Variants in LAMP5 observed in about 807,000 individuals in gnomAD.
LAMP5 encodes lysosome associated membrane protein 5.
LAMP5 carries 36 observed loss-of-function variants against 30.2 expected under a neutral mutation model. The ratio of observed to expected loss-of-function variants is 1.19; its 90% confidence interval spans 0.91 to 1.57. LAMP5 has a LOEUF of 1.57. LAMP5 is among the 40% of genes most tolerant of loss of function. The pLI is 0.00. For synonymous variants in LAMP5, 149 were observed against 134.6 expected (o/e 1.11, Z -0.74); for missense variants, 377 against 354.9 (o/e 1.06, Z -0.50).
rs548898329 is a variant in LAMP5 at position 9,517,116 on chromosome 20, T to C, written c.475+755T>C. Among the ~76,000 whole-genome samples, 10 of 152,370 alleles carry C rather than the reference T, an allele frequency of 6.6e-5. 1 individual carries two copies. The South Asian group carries it at 2.1e-3, about 32-fold the overall frequency. On this transcript the variant is annotated intron_variant, in intron 4 of 5. Transcript: ENST00000246070. ...TTTTTATTGAATACATAAAAATACA[T>C]GTGTCATCTTTCCCTTTTCACCCCT... is the stretch of plus-strand genomic sequence containing the variant.
chr20:9,521,814 T>G (rs76538339), intron 5 of LAMP5, among the ~76,000 whole-genome samples: 4 of 152,216 alleles, frequency 2.6e-5, no homozygotes, highest in Non-Finnish European at 4.4e-5. Flanking sequence ...GAAACTTTTA[T>G]GTATTATGTC....
intron 5 of LAMP5, among the ~76,000 whole-genome samples, chr20:9,526,860 GTATATATATATATATATATATATATATA>G (rs201564418): frequency 1.1e-4 from 9 of 80,222 alleles, no homozygotes; most frequent in Admixed American, 4.7e-4. Flanking sequence ...GTGTGTGTGT[GTATATATATATATATATATATATATATA>G]TATATATATA....
intron 2 of LAMP5, 80 bp downstream of exon 2, chr20:9,515,705 C>T (rs2045032042): frequency 6.8e-7 from 1 of 1,476,432 alleles, no homozygotes; most frequent in Non-Finnish European, 9.2e-7. Context: ...TCTTCGAAGA[C>T]CTGGGTTGCC....
intron 5 of LAMP5, among the ~76,000 whole-genome samples, chr20:9,526,493 A>G (rs2045113190): frequency 6.6e-6 from 1 of 152,200 alleles, no homozygotes; most frequent in African/African-American, 2.4e-5. Context: ...AAGAGGCAAT[A>G]TGGTATCATA....
Position 9,515,452 on chromosome 20 carries a change from G to A in LAMP5, c.65-1G>A, listed in dbSNP as rs1306052775. 6.2e-7 allele frequency: 1 copy of A among 1,613,160 alleles called. No homozygotes were observed. The highest frequency in any genetic ancestry group is 8.5e-7 in the Non-Finnish European group (1 of 1,179,484). The stretch of plus-strand genomic sequence containing the variant: ...ATGGAATTGTTTTGTTTGTTCCGCA[G>A]ATACAATGGCTCAAATCATGGCAGA... On this transcript the variant is annotated splice_acceptor_variant, in intron 1 of 5. Transcript: ENST00000246070. LOFTEE classifies it high-confidence loss of function.
At chr20:9,515,962 G>C in intron 2 of LAMP5, 38 bp from the exon 3 acceptor site, 7 of 1,469,572 alleles carry the variant, frequency 4.8e-6, no homozygotes, top group East Asian at 2.4e-5. Context: ...CCCCGGGGCC[G>C]GGCGAGCTGA....
intron 5 of LAMP5, among the ~76,000 whole-genome samples, chr20:9,523,815 C>T (rs1294521830): frequency 6.6e-6 from 1 of 152,084 alleles, no homozygotes; most frequent in Non-Finnish European, 1.5e-5. Flanking sequence ...TGCTCTTCTC[C>T]CTGGCGGAAG....
Position 9,530,274 on chromosome 20 carries a change from C to T in LAMP5, c.*454C>T, listed in dbSNP as rs527738178. On this transcript the variant is annotated 3_prime_UTR_variant, in exon 6 of 6. Transcript: ENST00000246070. ...AGTTGTCAATGCACACAGAATACAA[C>T]CTCATGCTCCCTGCAGCAAGACCCC... 2 of 153,950 alleles carry T rather than the reference C, an allele frequency of 1.3e-5. No homozygotes were observed. The highest frequency in any genetic ancestry group is 2.4e-5 in the African/African-American group (1 of 41,594). 9.5% of individuals were successfully genotyped at this position (153,950 alleles called of 1,614,324 possible).
Position 9,530,001 on chromosome 20 carries a change from C to T in LAMP5, c.*181C>T, listed in dbSNP as rs1311621202. The stretch of plus-strand genomic sequence containing the variant: ...AACCCACGGAAGGGGGAGACTCTTT[C>T]GGATTTGTAGGGTGAAATGGCAATT... On this transcript the variant is annotated 3_prime_UTR_variant, in exon 6 of 6. Coordinates refer to ENST00000246070, the MANE Select transcript of LAMP5 (RefSeq NM_012261.4). The T allele has an allele frequency of 1.5e-5, 8 of 542,756 alleles. No individual in the cohort carries two copies. Among genetic ancestry groups the T allele is most frequent in the East Asian group, 8.8e-5 (3 of 34,064 alleles). The allele number at this position is 542,756 out of a possible 1,614,324, so 33.6% of individuals were successfully genotyped here.
intron 5 of LAMP5, among the ~76,000 whole-genome samples, chr20:9,519,459 T>A (rs966604460): frequency 1.3e-5 from 2 of 152,204 alleles, no homozygotes; most frequent in Non-Finnish European, 2.9e-5. Context: ...CTAAGATAAA[T>A]TGTCTTTAAG....
rs149248431 is a variant in LAMP5, at chr20:9,516,214, AC to A, written c.370-41del. ...GCGGCCCCTAGGTTTAAGAACCCAG[AC>A]GCTGCGGGGACGATTGAAGCGCACC... On this transcript the variant is annotated intron_variant, in intron 3 of 5. Transcript: ENST00000246070. 2,944 of 1,611,548 alleles carry A rather than the reference AC, an allele frequency of 1.8e-3. 53 individuals are homozygous for A. The African/African-American group carries it at 0.034, about 19-fold the overall frequency.
In LAMP5 at chr20:9,529,719, GT is replaced by G. The variant is rs2122853961; in HGVS notation, c.743del (p.Val248AlafsTer4). The G allele has an allele frequency of 6.2e-7, 1 of 1,614,148 alleles. No homozygotes were observed. Among genetic ancestry groups the G allele is most frequent in the Admixed American group, 1.7e-5 (1 of 60,026 alleles). ...PLILGLILGL[V>X]IMVTLAIYHV... ...GATTTTGGGGCTCATCTTGGGCCTC[GT>G]CATCATGGTAACACTCGCGATTTAC... On this transcript the variant is annotated frameshift_variant, in exon 6 of 6. Transcript: ENST00000246070. LOFTEE classifies it high-confidence loss of function.
chr20:9,519,678 G>T (rs547160109), intron 5 of LAMP5, among the ~76,000 whole-genome samples: 2 of 152,322 alleles, frequency 1.3e-5, no homozygotes, highest in African/African-American at 4.8e-5. Context: ...TGATGACAAG[G>T]AATTTATTAT....
At chr20:9,519,342 AT>A (rs2045064541) in intron 5 of LAMP5, among the ~76,000 whole-genome samples, 1 of 152,180 alleles carries the variant, frequency 6.6e-6, no homozygotes, top group Admixed American at 6.5e-5. Context: ...ATCTATGATC[AT>A]TTTCCAAGGC....
chr20:9,529,915 A>T lies in LAMP5; in HGVS notation c.*95A>T. On this transcript the variant is annotated 3_prime_UTR_variant, in exon 6 of 6. Coordinates refer to ENST00000246070, the MANE Select transcript of LAMP5 (RefSeq NM_012261.4). ...TCCATCTTGTACACGAGATACACCAACATAGCTACAATCAAACAGGCCTGG... is the reference window on the plus strand; with the variant it reads ...TCCATCTTGTACACGAGATACACCATCATAGCTACAATCAAACAGGCCTGG... 1 of 1,241,346 alleles carries T rather than the reference A, an allele frequency of 8.1e-7. No homozygotes were observed. The highest frequency in any genetic ancestry group is 1.5e-5 in the South Asian group (1 of 68,774). 76.9% of individuals were successfully genotyped at this position (1,241,346 alleles called of 1,614,324 possible). A position where few individuals can be genotyped will look rare whatever the true frequency, so the allele number is the denominator to read the frequency against.
chr20:9,514,957 C>G, intron 1 of LAMP5, 41 bp downstream of exon 1: 1 of 1,569,212 alleles, frequency 6.4e-7, no homozygotes. Context: ...GACGGGCACT[C>G]TTTGCAGAGA....
At position 9,514,975 on chromosome 20, in the gene LAMP5, C is replaced by A. The variant is rs769603754; in HGVS notation, c.64+59C>A. Reference sequence around the variant, plus strand: ...GGGCACTCTTTGCAGAGAACAGAGCCGGCAAAGTAAAGTCAATTAGCTTGA... The same window carrying A: ...GGGCACTCTTTGCAGAGAACAGAGCAGGCAAAGTAAAGTCAATTAGCTTGA... On this transcript the variant is annotated intron_variant, in intron 1 of 5. Transcript: ENST00000246070. The A allele has an allele frequency of 2.2e-5, 32 of 1,473,498 alleles. No homozygotes were observed. The Admixed American group carries it at 3.0e-4, about 14-fold the overall frequency. The allele number at this position is 1,473,498 out of a possible 1,614,324, so 91.3% of individuals were successfully genotyped here.
chr20:9,523,713 G>A (rs2045093551), intron 5 of LAMP5, among the ~76,000 whole-genome samples: 1 of 152,026 alleles, frequency 6.6e-6, no homozygotes, highest in Non-Finnish European at 1.5e-5. Context: ...AAGAGCAAAG[G>A]CATGAGGGAT....
Position 9,524,595 on chromosome 20 carries a change from TA to T in LAMP5, c.665-5026del, listed in dbSNP as rs748114210. ...CCCTCATCTAAAACCCAGATCGAAC[TA>T]AAAAAAAAAAAAAAAAAAAACAAAC... On this transcript the variant is annotated intron_variant, in intron 5 of 5. Coordinates refer to ENST00000246070, the MANE Select transcript of LAMP5 (RefSeq NM_012261.4). 9.3e-3 allele frequency among the ~76,000 whole-genome samples: 765 copies of T among 82,230 alleles called. 5 individuals carry two copies. The highest frequency in any genetic ancestry group is 0.024 in the African/African-American group (583 of 24,346). The allele number at this position is 82,230 out of a possible 152,430, so 53.9% of individuals were successfully genotyped here.
Sources: allele counts gnomAD v4.1 joint callset (sites outside exome capture counted in the v4.1 genomes callset), GRCh38; gene constraint gnomAD v4.1.1; transcripts MANE v1.5; gene names NCBI Gene and HGNC (gene_info 2026-07-23, HGNC 2026-07-21).